The following CADM1 variants were observed in gnomAD, a reference collection of about 807,000 sequenced individuals.
CADM1 encodes cell adhesion molecule 1, also known as TSLC-1.
Under a neutral mutation model 53.1 loss-of-function variants are expected in CADM1, and 15 were observed. The observed-to-expected ratio is 0.28, with a 90% confidence interval of 0.19 to 0.44. CADM1 has a LOEUF of 0.44. Ranked by LOEUF, CADM1 falls within the 20% of genes least tolerant of loss-of-function variation. CADM1 has a pLI of 1.00. For missense variants in CADM1, 434 were observed against 611.3 expected, an observed-to-expected ratio of 0.71 and a Z score of 3.06; for synonymous variants, 281 against 243.0, an observed-to-expected ratio of 1.16 and a Z score of -1.45.
At position 115,174,270 on chromosome 11, in the gene CADM1, T is replaced by C; in HGVS notation, c.*2204A>G. 2 of 566,002 alleles carry C rather than the reference T, an allele frequency of 3.5e-6. No homozygotes were observed. Among genetic ancestry groups the C allele is most frequent in the South Asian group, 2.1e-4 (2 of 9,704 alleles). 35.1% of individuals were successfully genotyped at this position (566,002 alleles called of 1,614,324 possible). A position where few individuals can be genotyped will look rare whatever the true frequency, so the allele number is the denominator to read the frequency against. The stretch of plus-strand genomic sequence containing the variant: ...AATTCTGTGAGCAATGGTGTGATTT[T>C]TTTTTTTTGTTTTTGTTTTTGTTTT... On this transcript the variant is annotated 3_prime_UTR_variant, in exon 12 of 12. Transcript: ENST00000331581.
intron 1 of CADM1, among the ~76,000 whole-genome samples, chr11:115,245,217 C>T (rs553716954): frequency 1.3e-5 from 2 of 152,226 alleles, no homozygotes; most frequent in South Asian, 2.1e-4. Context: ...ATTAGGAAAA[C>T]CTTCTGCTCT....
At chr11:115,430,342 T>C (rs1377567288) in intron 1 of CADM1, among the ~76,000 whole-genome samples, 2 of 152,238 alleles carry the variant, frequency 1.3e-5, no homozygotes, top group African/African-American at 4.8e-5. Context: ...TTATTTAAGA[T>C]TTACCTCAAA....
intron 9 of CADM1, among the ~76,000 whole-genome samples, chr11:115,195,752 C>A (rs1341528897): frequency 6.6e-6 from 1 of 152,200 alleles, no homozygotes; most frequent in East Asian, 1.9e-4. Flanking sequence ...TCTATCCTGA[C>A]AACTGACCTG....
Position 115,419,592 on chromosome 11 carries a change from G to A in CADM1, c.124+84679C>T, listed in dbSNP as rs189500800. On this transcript the variant is annotated intron_variant, in intron 1 of 11. Transcript: ENST00000331581. Reference sequence around the variant, plus strand: ...CAGTTGGTGAAAGCTCTGTTTTCAGGTTCATAAAGCCAATACCCCATCTTG... The same window carrying A: ...CAGTTGGTGAAAGCTCTGTTTTCAGATTCATAAAGCCAATACCCCATCTTG... 1.4e-3 allele frequency among the ~76,000 whole-genome samples: 219 copies of A among 152,218 alleles called. 1 individual carries two copies. The highest frequency in any genetic ancestry group is 0.01 in the Middle Eastern group (3 of 294).
chr11:115,497,161 A>T (rs1278806975), intron 1 of CADM1, among the ~76,000 whole-genome samples: 1 of 152,220 alleles, frequency 6.6e-6, no homozygotes, highest in Admixed American at 6.5e-5. Flanking sequence ...AGGCATTTTT[A>T]AAAGTCTATG....
At chr11:115,357,636 C>G (rs1945912061) in intron 1 of CADM1, among the ~76,000 whole-genome samples, 1 of 152,104 alleles carries the variant, frequency 6.6e-6, no homozygotes, top group Non-Finnish European at 1.5e-5. Flanking sequence ...AACAAAATTG[C>G]CTTTCCCAAA....
At chr11:115,461,865 T>G (rs1465583817) in intron 1 of CADM1, among the ~76,000 whole-genome samples, 2 of 151,908 alleles carry the variant, frequency 1.3e-5, no homozygotes, top group Non-Finnish European at 2.9e-5. Context: ...TAGTTGACAA[T>G]GCAGTTCAGG....
intron 1 of CADM1, among the ~76,000 whole-genome samples, chr11:115,326,408 T>C (rs1944959960): frequency 6.6e-6 from 1 of 152,156 alleles, no homozygotes; most frequent in Non-Finnish European, 1.5e-5. Flanking sequence ...CAGAAGGATA[T>C]TCCTAAGTCA....
At chr11:115,326,941 C>T (rs1047772658) in intron 1 of CADM1, among the ~76,000 whole-genome samples, 24 of 152,182 alleles carry the variant, frequency 1.6e-4, no homozygotes, top group African/African-American at 5.5e-4. Context: ...AACTTACCAC[C>T]GGGCTATACT....
chr11:115,357,771 AAGTATTAAACTATGTTTAATAT>A (rs372108717), intron 1 of CADM1, among the ~76,000 whole-genome samples: 1,799 of 152,258 alleles, frequency 0.012, 21 homozygotes, highest in Non-Finnish European at 0.019. Flanking sequence ...ACTTACTCAA[AAGTATTAAACTATGTTTAATAT>A]AGTATTAAAC....
chr11:115,275,390 A>T (rs1943416833), intron 1 of CADM1, among the ~76,000 whole-genome samples: 1 of 152,078 alleles, frequency 6.6e-6, no homozygotes, highest in Non-Finnish European at 1.5e-5. Context: ...GCCCTTCCCC[A>T]TCTTAGGACA....
intron 1 of CADM1, among the ~76,000 whole-genome samples, chr11:115,341,437 A>T (rs1945443081): frequency 6.6e-6 from 1 of 152,216 alleles, no homozygotes; most frequent in African/African-American, 2.4e-5. Flanking sequence ...GAAATGTTAA[A>T]GTTAAGTAGA....
chr11:115,428,766 G>A (rs534410069), intron 1 of CADM1, among the ~76,000 whole-genome samples: 1 of 96,056 alleles, frequency 1.0e-5, no homozygotes, highest in African/African-American at 3.8e-5. Context: ...AAAAAAACTA[G>A]CAGTGTGTGT....
At chr11:115,259,017 G>C (rs1454833247) in intron 1 of CADM1, among the ~76,000 whole-genome samples, 2 of 151,914 alleles carry the variant, frequency 1.3e-5, no homozygotes, top group African/African-American at 4.8e-5. Context: ...ATGGAGTCTT[G>C]CTCTGTCACC....
At chr11:115,289,973 G>T (rs991761436) in intron 1 of CADM1, among the ~76,000 whole-genome samples, 1 of 152,206 alleles carries the variant, frequency 6.6e-6, no homozygotes, top group Non-Finnish European at 1.5e-5. Context: ...GTGACACACA[G>T]TGTGGGTCTA....
At chr11:115,389,380 A>G (rs770623981) in intron 1 of CADM1, among the ~76,000 whole-genome samples, 1 of 152,332 alleles carries the variant, frequency 6.6e-6, no homozygotes, top group East Asian at 1.9e-4. Flanking sequence ...TCCTAATCTC[A>G]TAACTTTATT....
chr11:115,188,077 C>A (rs958609788), intron 10 of CADM1, among the ~76,000 whole-genome samples: 20 of 152,120 alleles, frequency 1.3e-4, no homozygotes, highest in Non-Finnish European at 4.4e-5. Flanking sequence ...GTATATTTAC[C>A]ACCTCACTCC....
intron 1 of CADM1, among the ~76,000 whole-genome samples, chr11:115,306,547 T>C (rs1239621343): frequency 6.6e-6 from 1 of 151,994 alleles, no homozygotes; most frequent in Non-Finnish European, 1.5e-5. Context: ...TTCATAGTCA[T>C]TGGTACAGAA....
intron 1 of CADM1, among the ~76,000 whole-genome samples, chr11:115,307,016 T>C (rs1944392982): frequency 6.6e-6 from 1 of 151,934 alleles, no homozygotes; most frequent in South Asian, 2.1e-4. Flanking sequence ...GTGAGTGATG[T>C]AGTCAGAATG....
Sources: gnomAD v4.1 joint callset for allele counts (sites outside exome capture counted in the v4.1 genomes callset) on GRCh38, gnomAD v4.1.1 for gene constraint, MANE v1.5 for transcripts, NCBI Gene and HGNC (gene_info 2026-07-23, HGNC 2026-07-21) for gene names.